Variants in AK5 observed in about 807,000 individuals in gnomAD.
AK5 encodes the protein adenylate kinase isoenzyme 5.
A neutral mutation model predicts 69.5 loss-of-function variants in AK5; 27 were observed. That is an observed-to-expected ratio of 0.39 (90% CI 0.29 to 0.54). The LOEUF (loss-of-function observed/expected upper bound fraction) is 0.54, where lower values mean the gene tolerates loss of function less well. Ranked by LOEUF, AK5 falls within the 20% of genes least tolerant of loss-of-function variation. The pLI is 0.71. For missense variants in AK5, 531 were observed against 700.4 expected (o/e 0.76, Z 2.73); for synonymous variants, 260 against 244.4 (o/e 1.06, Z -0.60).
At chr1:77,295,500 C>T (rs1257539915) in intron 3 of AK5, among the ~76,000 whole-genome samples, 1 of 152,114 alleles carries the variant, frequency 6.6e-6, no homozygotes, top group Non-Finnish European at 1.5e-5. Flanking sequence ...GCTGTTACGC[C>T]ATAAACCTCT....
intron 6 of AK5, among the ~76,000 whole-genome samples, chr1:77,343,927 T>C (rs985373726): frequency 6.6e-6 from 1 of 152,344 alleles, no homozygotes; most frequent in South Asian, 2.1e-4. Context: ...CCAAAATGAA[T>C]AGGTTGTAAA....
chr1:77,394,971 C>G (rs897477155), intron 6 of AK5, among the ~76,000 whole-genome samples: 2 of 152,188 alleles, frequency 1.3e-5, no homozygotes, highest in Non-Finnish European at 2.9e-5. Context: ...GACAAGAGAC[C>G]TTTAAATCTG....
At chr1:77,282,550 G>T in intron 1 of AK5, 177 bp downstream of exon 1, 1 of 1,372,994 alleles carries the variant, frequency 7.3e-7, no homozygotes. Context: ...GGTTGCCAGG[G>T]TCCTTGTCAG....
intron 10 of AK5, among the ~76,000 whole-genome samples, chr1:77,487,493 T>C (rs1293512865): frequency 6.6e-6 from 1 of 152,190 alleles, no homozygotes; most frequent in Non-Finnish European, 1.5e-5. Flanking sequence ...TGTCTATTTA[T>C]ATTCAGAAAT....
intron 5 of AK5, among the ~76,000 whole-genome samples, chr1:77,305,144 A>ATAT (rs573674381): frequency 9.2e-5 from 14 of 152,264 alleles, no homozygotes; most frequent in Admixed American, 9.2e-4. Context: ...TCTTTTGAGA[A>ATAT]TGTCTATTCA....
At chr1:77,396,798 C>A (rs1057092231) in intron 6 of AK5, among the ~76,000 whole-genome samples, 1 of 152,214 alleles carries the variant, frequency 6.6e-6, no homozygotes, top group African/African-American at 2.4e-5. Context: ...ATTGTATGAC[C>A]TTAAGTAAGT....
chr1:77,305,025 C>A (rs748575192), intron 5 of AK5, among the ~76,000 whole-genome samples: 1 of 152,102 alleles, frequency 6.6e-6, no homozygotes, highest in Non-Finnish European at 1.5e-5. Context: ...TGTATATAAA[C>A]CATTTAACTG....
intron 10 of AK5, among the ~76,000 whole-genome samples, chr1:77,487,853 G>C (rs1655697997): frequency 6.6e-6 from 1 of 152,166 alleles, no homozygotes; most frequent in East Asian, 1.9e-4. Context: ...TTGACTGTTG[G>C]ACCCCTGCTG....
intron 13 of AK5, among the ~76,000 whole-genome samples, chr1:77,554,446 C>T (rs892351814): frequency 5.3e-5 from 8 of 152,128 alleles, no homozygotes; most frequent in African/African-American, 1.4e-4. Flanking sequence ...CTAGTTCAGT[C>T]CCTTCATATG....
chr1:77,550,622 C>T (rs949557428), intron 13 of AK5, among the ~76,000 whole-genome samples: 5 of 152,170 alleles, frequency 3.3e-5, no homozygotes, highest in Non-Finnish European at 5.9e-5. Context: ...GCTCTAAGCA[C>T]GAAGAAAAGT....
chr1:77,546,004 T>C (rs991260820), intron 13 of AK5, among the ~76,000 whole-genome samples: 1 of 152,172 alleles, frequency 6.6e-6, no homozygotes, highest in Non-Finnish European at 1.5e-5. Context: ...CTTAAAATAG[T>C]CTTCTCTCCA....
intron 5 of AK5, among the ~76,000 whole-genome samples, chr1:77,300,927 C>T (rs889094413): frequency 2.6e-5 from 4 of 152,076 alleles, no homozygotes; most frequent in Admixed American, 6.6e-5. Context: ...CAAGGTTTTG[C>T]GTTAACTTAG....
chr1:77,524,269 C>G (rs746366113), intron 12 of AK5, among the ~76,000 whole-genome samples: 17 of 152,154 alleles, frequency 1.1e-4, no homozygotes, highest in Admixed American at 9.2e-4. Flanking sequence ...TGTTCAAGTT[C>G]CTGCATTAGT....
At position 77,473,293 on chromosome 1, in the gene AK5, C is replaced by T. The variant is rs543948225; in HGVS notation, c.1060-10024C>T. On this transcript the variant is annotated intron_variant, in intron 8 of 13. Transcript: ENST00000354567. ...AGTGCAGTGGTACGATCACAACTCA[C>T]TGCAGCCTCAAACTCCTTGTCTCAA... is the stretch of plus-strand genomic sequence containing the variant. Among the ~76,000 whole-genome samples, 6 of 151,926 alleles carry T rather than the reference C, an allele frequency of 3.9e-5. No individual in the cohort carries two copies. In the East Asian group the frequency reaches 1.2e-3, roughly 29 times the overall value.
chr1:77,410,434 T>A (rs978753241), intron 6 of AK5, among the ~76,000 whole-genome samples: 12 of 151,976 alleles, frequency 7.9e-5, no homozygotes, highest in Non-Finnish European at 1.6e-4. Flanking sequence ...CATGCCACCA[T>A]GCCTGGCTAA....
chr1:77,434,049 AAGAT>A (rs1651806203), intron 8 of AK5, among the ~76,000 whole-genome samples: 1 of 151,448 alleles, frequency 6.6e-6, no homozygotes, highest in Non-Finnish European at 1.5e-5. Context: ...GGATGACAAA[AAGAT>A]AGAAAACAAC....
chr1:77,479,649 ACTCT>A lies in AK5; in HGVS notation c.1060-3655_1060-3652del, dbSNP rs142595077. ...AAATCAAATGTGTGACTATATTTATACTCTCTCTCTCTCTCTTTGTCAGTTCAGA... is the reference window on the plus strand; with the variant it reads ...AAATCAAATGTGTGACTATATTTATACTCTCTCTCTCTTTGTCAGTTCAGA... On this transcript the variant is annotated intron_variant, in intron 8 of 13. Coordinates refer to ENST00000354567, the MANE Select transcript of AK5 (RefSeq NM_174858.3). Among the ~76,000 whole-genome samples, 5 of 150,532 alleles carry A rather than the reference ACTCT, an allele frequency of 3.3e-5. No homozygotes were observed. In the South Asian group the frequency reaches 6.3e-4, roughly 19 times the overall value.
intron 10 of AK5, among the ~76,000 whole-genome samples, chr1:77,509,499 C>T (rs535556447): frequency 6.1e-4 from 93 of 152,224 alleles, no homozygotes; most frequent in Non-Finnish European, 4.1e-4. Flanking sequence ...GAGGATCATT[C>T]TTAGGGCACG....
intron 6 of AK5, among the ~76,000 whole-genome samples, chr1:77,381,759 ATTCAGAG>A (rs1647649803): frequency 6.6e-6 from 1 of 152,242 alleles, no homozygotes; most frequent in Admixed American, 6.5e-5. Context: ...CCACTAGAGC[ATTCAGAG>A]TTCTCTATTT....
Sources: gnomAD v4.1 joint callset for allele counts (sites outside exome capture counted in the v4.1 genomes callset) on GRCh38, gnomAD v4.1.1 for gene constraint, MANE v1.5 for transcripts, NCBI Gene and HGNC (gene_info 2026-07-23, HGNC 2026-07-21) for gene names.